The following CNTNAP4 variants were observed in gnomAD, a reference collection of about 807,000 sequenced individuals.
CNTNAP4 encodes contactin associated protein family member 4, also known as contactin-associated protein-like 4.
Under a neutral mutation model 148.4 loss-of-function variants are expected in CNTNAP4, and 98 were observed. The ratio of observed to expected loss-of-function variants is 0.66; its 90% CI spans 0.56 to 0.78. The LOEUF (loss-of-function observed/expected upper bound fraction) is 0.78. Ranked by LOEUF, CNTNAP4 falls within the 30% of genes least tolerant of loss-of-function variation. The pLI is 0.00. For synonymous variants in CNTNAP4, 730 were observed against 565.1 expected, an observed-to-expected ratio of 1.29 and a Z score of -4.14; for missense variants, 1,935 against 1,565.6, an observed-to-expected ratio of 1.24 and a Z score of -3.98.
At chr16:76,477,524 C>G (rs2081635156) in intron 11 of CNTNAP4, among the ~76,000 whole-genome samples, 2 of 152,156 alleles carry the variant, frequency 1.3e-5, no homozygotes, top group South Asian at 2.1e-4. Flanking sequence ...ACAGAGGACC[C>G]TCAGAAGCCC....
chr16:76,439,721 C>A (rs993694592), intron 4 of CNTNAP4, among the ~76,000 whole-genome samples: 1 of 152,072 alleles, frequency 6.6e-6, no homozygotes, highest in African/African-American at 2.4e-5. Flanking sequence ...AATAAGGGCA[C>A]CTTTTCCCTG....
At chr16:76,409,148 G>C (rs982548501) in intron 3 of CNTNAP4, among the ~76,000 whole-genome samples, 4 of 151,942 alleles carry the variant, frequency 2.6e-5, no homozygotes, top group African/African-American at 4.8e-5. Flanking sequence ...TATCATTTAA[G>C]TGTAAAATAA....
intron 3 of CNTNAP4, among the ~76,000 whole-genome samples, chr16:76,390,768 C>A (rs2016917646): frequency 6.6e-6 from 1 of 152,154 alleles, no homozygotes; most frequent in South Asian, 2.1e-4. Context: ...TCTTAGCTAA[C>A]TTGAATCTTT....
intron 5 of CNTNAP4, among the ~76,000 whole-genome samples, chr16:76,448,540 G>A (rs1189608382): frequency 6.6e-6 from 1 of 152,096 alleles, no homozygotes; most frequent in Non-Finnish European, 1.5e-5. Flanking sequence ...TAGAAAATGA[G>A]CGTGCAATCA....
chr16:76,340,848 C>G (rs932045866), intron 2 of CNTNAP4, among the ~76,000 whole-genome samples: 7 of 152,196 alleles, frequency 4.6e-5, no homozygotes, highest in African/African-American at 1.7e-4. Context: ...GGAGATATGT[C>G]TGCACTGCCA....
chr16:76,279,286 A>G (rs1958596959), intron 1 of CNTNAP4, among the ~76,000 whole-genome samples: 1 of 152,122 alleles, frequency 6.6e-6, no homozygotes, highest in Non-Finnish European at 1.5e-5. Flanking sequence ...TCTGGCCTGT[A>G]CTCCATTCAG....
chr16:76,335,523 A>T (rs1963944565), intron 2 of CNTNAP4, among the ~76,000 whole-genome samples: 1 of 152,136 alleles, frequency 6.6e-6, no homozygotes, highest in Non-Finnish European at 1.5e-5. Context: ...AGGAAGGATG[A>T]GGGTAAGACA....
chr16:76,309,109 A>G (rs1033251864), intron 1 of CNTNAP4, among the ~76,000 whole-genome samples: 1 of 151,940 alleles, frequency 6.6e-6, no homozygotes, highest in African/African-American at 2.4e-5. Context: ...CTGGCCTATA[A>G]TACTTTTTAC....
At chr16:76,399,012 C>T (rs2078309770) in intron 3 of CNTNAP4, among the ~76,000 whole-genome samples, 1 of 152,004 alleles carries the variant, frequency 6.6e-6, no homozygotes, top group Non-Finnish European at 1.5e-5. Flanking sequence ...GAATAAGTCT[C>T]ACCGGATCTG....
chr16:76,332,416 C>T (rs1440356713), intron 2 of CNTNAP4, among the ~76,000 whole-genome samples: 1 of 152,074 alleles, frequency 6.6e-6, no homozygotes, highest in Non-Finnish European at 1.5e-5. Flanking sequence ...GCACGCACCA[C>T]CACGCCAGAC....
chr16:76,551,255 AC>A (rs2084940333), intron 21 of CNTNAP4, among the ~76,000 whole-genome samples: 1 of 152,024 alleles, frequency 6.6e-6, no homozygotes, highest in African/African-American at 2.4e-5. Flanking sequence ...TACTAAAAAT[AC>A]AAAAAATTTA....
At chr16:76,345,648 A>G (rs149089345) in intron 2 of CNTNAP4, among the ~76,000 whole-genome samples, 41 of 152,278 alleles carry the variant, frequency 2.7e-4, no homozygotes, top group African/African-American at 9.1e-4. Flanking sequence ...CTACCCTCCC[A>G]CAGAGCCTGG....
chr16:76,556,100 C>T (rs2085186027), intron 23 of CNTNAP4, among the ~76,000 whole-genome samples: 1 of 152,042 alleles, frequency 6.6e-6, no homozygotes. Context: ...TGGCTAATCC[C>T]CCTATGTTCT....
chr16:76,443,095 G>A (rs549339005), intron 4 of CNTNAP4, among the ~76,000 whole-genome samples: 5 of 152,032 alleles, frequency 3.3e-5, no homozygotes, highest in Non-Finnish European at 5.9e-5. Context: ...TATTAATCTC[G>A]ATAATAACCC....
chr16:76,355,512 G>A lies in CNTNAP4; in HGVS notation c.390+1G>A, dbSNP rs1160399637. ...ATATCGCCAAGAGGACAGCATCTGG[G>A]TATGTTCTTTAACAAAAGACATAGT... On this transcript the variant is annotated splice_donor_variant, in intron 3 of 23. Transcript: ENST00000611870. LOFTEE classifies it high-confidence loss of function. 1 of 1,594,964 alleles carries A rather than the reference G, an allele frequency of 6.3e-7. No individual in the cohort carries two copies.
chr16:76,386,964 T>C (rs1357236411), intron 3 of CNTNAP4, among the ~76,000 whole-genome samples: 1 of 152,106 alleles, frequency 6.6e-6, no homozygotes, highest in Non-Finnish European at 1.5e-5. Context: ...GCTTTGAAGA[T>C]AGAGGAAGGG....
At chr16:76,323,669 C>T (rs945696983) in intron 2 of CNTNAP4, among the ~76,000 whole-genome samples, 1 of 152,120 alleles carries the variant, frequency 6.6e-6, no homozygotes, top group Non-Finnish European at 1.5e-5. Context: ...ATTGCCCTCC[C>T]TCCTTGGCCC....
chr16:76,467,662 A>G, intron 10 of CNTNAP4, 139 bp downstream of exon 10: 1 of 725,848 alleles, frequency 1.4e-6, no homozygotes, highest in Non-Finnish European at 2.1e-6. Flanking sequence ...TTTACATTAG[A>G]AATAAGAAAA....
intron 12 of CNTNAP4, among the ~76,000 whole-genome samples, chr16:76,481,377 A>C (rs1386713375): frequency 1.3e-5 from 2 of 152,220 alleles, no homozygotes; most frequent in African/African-American, 4.8e-5. Flanking sequence ...TAAAAATTTA[A>C]CTAAAATAGG....
Sources: gnomAD v4.1 joint callset for allele counts (sites outside exome capture counted in the v4.1 genomes callset) on GRCh38, gnomAD v4.1.1 for gene constraint, MANE v1.5 for transcripts, NCBI Gene and HGNC (gene_info 2026-07-23, HGNC 2026-07-21) for gene names.